The following PACRG variants were observed in gnomAD, a reference collection of about 807,000 sequenced individuals.
PACRG encodes parkin coregulated, also known as parkin coregulated gene protein.
PACRG carries 29 observed loss-of-function variants against 29.7 expected under a neutral mutation model. The ratio of observed to expected loss-of-function variants is 0.98; its 90% CI spans 0.73 to 1.33. PACRG has a LOEUF of 1.33. PACRG is among the 40% of genes most tolerant of loss of function. The pLI, the probability that PACRG is intolerant of heterozygous loss-of-function variation, is 0.00. For missense variants in PACRG, 279 were observed against 316.2 expected (o/e 0.88, Z 0.89); for synonymous variants, 116 against 118.7 (o/e 0.98, Z 0.15).
intron 4 of PACRG, among the ~76,000 whole-genome samples, chr6:163,226,876 AAG>A (rs141629068): frequency 0.011 from 1,750 of 152,320 alleles, 39 homozygotes; most frequent in African/African-American, 0.04. Flanking sequence ...TTTTAATTAA[AAG>A]AGCCAATGGG....
chr6:162,892,779 G>T (rs1474709120), intron 2 of PACRG, among the ~76,000 whole-genome samples: 1 of 152,202 alleles, frequency 6.6e-6, no homozygotes, highest in Non-Finnish European at 1.5e-5. Flanking sequence ...CAGATGGAAA[G>T]TCGGGAGTGA....
Position 163,314,898 on chromosome 6 carries a change from C to CT in PACRG, c.686dup (p.Glu230GlyfsTer16). On this transcript the variant is annotated frameshift_variant, in exon 5 of 5. Transcript: ENST00000366888. LOFTEE classifies it high-confidence loss of function. ...CATTGGGGACTTGATCCAGGAGACA[C>CT]TGGAGGCCTTCGAGCGCTACGGAGG... 2 of 1,614,224 alleles carry CT rather than the reference C, an allele frequency of 1.2e-6. No homozygotes were observed. The highest frequency in any genetic ancestry group is 1.7e-6 in the Non-Finnish European group (2 of 1,180,034).
intron 3 of PACRG, among the ~76,000 whole-genome samples, chr6:163,081,622 G>A (rs1362861955): frequency 6.6e-6 from 1 of 152,120 alleles, no homozygotes; most frequent in East Asian, 1.9e-4. Context: ...CAGCCATGGT[G>A]GTGTGTGCCT....
At chr6:162,765,946 A>C (rs1486349332) in intron 1 of PACRG, among the ~76,000 whole-genome samples, 1 of 151,964 alleles carries the variant, frequency 6.6e-6, no homozygotes, top group Non-Finnish European at 1.5e-5. Context: ...TTTTTAGTTG[A>C]CAAATAATAT....
At chr6:162,931,327 G>A (rs995244742) in intron 2 of PACRG, among the ~76,000 whole-genome samples, 3 of 151,664 alleles carry the variant, frequency 2.0e-5, no homozygotes, top group African/African-American at 4.8e-5. Context: ...AAATGTTTAC[G>A]AGGTCCAGTT....
chr6:163,063,526 G>A (rs912656885), intron 3 of PACRG, among the ~76,000 whole-genome samples: 5 of 152,162 alleles, frequency 3.3e-5, no homozygotes, highest in African/African-American at 1.2e-4. Context: ...TTATTTAATC[G>A]TATCCAAGGT....
chr6:163,057,749 C>T (rs1810720749), intron 2 of PACRG, among the ~76,000 whole-genome samples: 1 of 152,182 alleles, frequency 6.6e-6, no homozygotes, highest in South Asian at 2.1e-4. Flanking sequence ...GCTTGTAATA[C>T]CTATACAAAT....
intron 2 of PACRG, among the ~76,000 whole-genome samples, chr6:163,034,181 A>G (rs958099003): frequency 1.3e-5 from 2 of 151,998 alleles, no homozygotes; most frequent in East Asian, 3.9e-4. Flanking sequence ...AAGTTCAGGC[A>G]GCTGCTTGTC....
chr6:162,948,116 G>T (rs1371726182), intron 2 of PACRG, among the ~76,000 whole-genome samples: 2 of 152,028 alleles, frequency 1.3e-5, no homozygotes, highest in African/African-American at 4.8e-5. Context: ...AACCAAGCTG[G>T]AGGCATCACA....
At chr6:163,262,954 A>C (rs1360047061) in intron 4 of PACRG, among the ~76,000 whole-genome samples, 2 of 149,614 alleles carry the variant, frequency 1.3e-5, no homozygotes, top group Non-Finnish European at 3.0e-5. Flanking sequence ...CAGGAGGCTG[A>C]GGCGGGAGAT....
chr6:162,921,267 A>G (rs1185702381), intron 2 of PACRG, among the ~76,000 whole-genome samples: 1 of 152,148 alleles, frequency 6.6e-6, no homozygotes, highest in Non-Finnish European at 1.5e-5. Flanking sequence ...ATCTCCTGCT[A>G]GAAGACCGGG....
In PACRG at chr6:163,140,193, C is replaced by T. The variant is rs73593787; in HGVS notation, c.613+50785C>T. Reference sequence around the variant, plus strand: ...CGCAGCAATGATGGATAAACCATTGCGACAGAGAACCCCAGGAAGTCAGAC... The same window carrying T: ...CGCAGCAATGATGGATAAACCATTGTGACAGAGAACCCCAGGAAGTCAGAC... On this transcript the variant is annotated intron_variant, in intron 4 of 4. Coordinates refer to ENST00000366888, the MANE Select transcript of PACRG (RefSeq NM_001080379.2). 7.9e-3 allele frequency among the ~76,000 whole-genome samples: 1,198 copies of T among 152,270 alleles called. 16 individuals are homozygous for T. The highest frequency in any genetic ancestry group is 0.027 in the African/African-American group (1,120 of 41,562).
At chr6:162,925,808 G>C (rs1471869165) in intron 2 of PACRG, among the ~76,000 whole-genome samples, 1 of 151,772 alleles carries the variant, frequency 6.6e-6, no homozygotes, top group African/African-American at 2.4e-5. Flanking sequence ...GTTCTGGCCA[G>C]GGAAAGCAAG....
At chr6:162,947,486 T>TATATATAATC (rs1799204314) in intron 2 of PACRG, among the ~76,000 whole-genome samples, 2 of 123,786 alleles carry the variant, frequency 1.6e-5, no homozygotes, top group Non-Finnish European at 3.3e-5. Flanking sequence ...TATATAATCA[T>TATATATAATC]ATATATACTC....
chr6:162,818,005 C>G (rs1787505879), intron 2 of PACRG, among the ~76,000 whole-genome samples: 1 of 151,854 alleles, frequency 6.6e-6, no homozygotes, highest in African/African-American at 2.4e-5. Flanking sequence ...CCGGCAAGCC[C>G]AGGAATAGCT....
Position 163,089,276 on chromosome 6 carries a change from A to G in PACRG, c.481A>G (p.Asn161Asp). 1 of 1,613,784 alleles carries G rather than the reference A, an allele frequency of 6.2e-7. No homozygotes were observed. Among genetic ancestry groups the G allele is most frequent in the East Asian group, 2.2e-5 (1 of 44,846 alleles). Reference protein sequence around the residue: ...IPIKNALNLRNRQVICVTLKV... With the variant: ...IPIKNALNLRDRQVICVTLKV... ...CCATATAGATGCCTTGAACCTCCGA[A>G]ACCGACAGGTCATCTGTGTCACTCT... Residue 161 changes from asparagine to aspartate, a missense_variant, in exon 4 of 5, where the codon AAC (asparagine) becomes GAC (aspartate). Asn to Asp is a conservative substitution (Grantham distance 23). Coordinates refer to ENST00000366888, the MANE Select transcript of PACRG (RefSeq NM_001080379.2).
intron 1 of PACRG, among the ~76,000 whole-genome samples, chr6:162,748,893 A>G (rs1781301594): frequency 6.6e-6 from 1 of 152,216 alleles, no homozygotes; most frequent in Admixed American, 6.5e-5. Context: ...GACAGCAATC[A>G]AGATAATGAA....
At chr6:162,775,151 G>A (rs1040259343) in intron 1 of PACRG, among the ~76,000 whole-genome samples, 7 of 152,164 alleles carry the variant, frequency 4.6e-5, no homozygotes, top group Admixed American at 1.3e-4. Context: ...ACCATGTGGG[G>A]ACCCAGTGAG....
At position 162,947,330 on chromosome 6, in the gene PACRG, A is replaced by ATG. The variant is rs1562765458; in HGVS notation, c.292-114820_292-114819insTG. Among the ~76,000 whole-genome samples, 208 of 32,756 alleles carry ATG rather than the reference A, an allele frequency of 6.3e-3. 2 individuals carry two copies. The highest frequency in any genetic ancestry group is 0.014 in the African/African-American group (196 of 14,406). 21.5% of individuals were successfully genotyped at this position (32,756 alleles called of 152,430 possible). On this transcript the variant is annotated intron_variant, in intron 2 of 4. Coordinates refer to ENST00000366888, the MANE Select transcript of PACRG (RefSeq NM_001080379.2). ...ATATATAATCATATATAATACATAT[A>ATG]ATCATATATATAATGATTACATATA... is the stretch of plus-strand genomic sequence containing the variant.
Sources: allele counts gnomAD v4.1 joint callset (sites outside exome capture counted in the v4.1 genomes callset), GRCh38; gene constraint gnomAD v4.1.1; transcripts MANE v1.5; gene names NCBI Gene and HGNC (gene_info 2026-07-23, HGNC 2026-07-21).